The following AGAP1 variants were observed in gnomAD, a reference collection of about 807,000 sequenced individuals.
The protein encoded by AGAP1 is arf-GAP with GTPase, ANK repeat and PH domain-containing protein 1.
AGAP1 carries 29 observed loss-of-function variants against 105.3 expected under a neutral mutation model. The observed-to-expected ratio is 0.28, with a 90% CI of 0.21 to 0.38. AGAP1 has a LOEUF of 0.38. AGAP1 is among the 10% of genes least tolerant of loss of function. AGAP1 has a pLI of 1.00. For synonymous variants in AGAP1, 509 were observed against 485.9 expected (o/e 1.05, Z -0.63); for missense variants, 998 against 1,165.1 (o/e 0.86, Z 2.09).
rs1464767366 is a variant in AGAP1 at position 235,639,743 on chromosome 2, A to G, written c.164-69436A>G. ...CATCTCGTGTTCTCAAAATCAGCAC[A>G]TGCCATCCCACATTCTAGACCATCC... On this transcript the variant is annotated intron_variant, in intron 1 of 17. Coordinates refer to ENST00000304032, the MANE Select transcript of AGAP1 (RefSeq NM_001037131.3). The surrounding 1 kb of genome is among the most constrained non-coding windows in gnomAD (Gnocchi z 5.3). Among the ~76,000 whole-genome samples, 1 of 152,146 alleles carries G rather than the reference A, an allele frequency of 6.6e-6. No homozygotes were observed. The highest frequency in any genetic ancestry group is 1.9e-4 in the East Asian group (1 of 5,180).
rs1012682531 is a variant in AGAP1 at position 235,981,609 on chromosome 2, A to G, written c.1645+12986A>G. 1.3e-5 allele frequency among the ~76,000 whole-genome samples: 2 copies of G among 152,238 alleles called. No individual in the cohort carries two copies. Among genetic ancestry groups the G allele is most frequent in the South Asian group, 2.1e-4 (1 of 4,838 alleles). On this transcript the variant is annotated intron_variant, in intron 13 of 17. Coordinates refer to ENST00000304032, the MANE Select transcript of AGAP1 (RefSeq NM_001037131.3). This position sits in a 1 kb window ranked among gnomAD's most constrained non-coding sequence, Gnocchi z 5.5. The stretch of plus-strand genomic sequence containing the variant: ...CAGAGTTGACAATCTATTAGCAATA[A>G]TATCACTATCAATTATTGACCACTG...
rs190333025 is a variant in AGAP1, at chr2:235,601,722, T to C, written c.163+106873T>C. Among the ~76,000 whole-genome samples the C allele has an allele frequency of 1.6e-3, 238 of 152,302 alleles. 1 individual carries two copies. The highest frequency in any genetic ancestry group is 5.3e-3 in the African/African-American group (219 of 41,566). On this transcript the variant is annotated intron_variant, in intron 1 of 17. Transcript: ENST00000304032. The surrounding 1 kb of genome is among the most constrained non-coding windows in gnomAD (Gnocchi z 4.4). ...CACCAGTCCGTGGAGCCAGGTGTGGTGGCTCACACTTGTAATCTCAGTGCT... is the reference window on the plus strand; with the variant it reads ...CACCAGTCCGTGGAGCCAGGTGTGGCGGCTCACACTTGTAATCTCAGTGCT...
intron 16 of AGAP1, among the ~76,000 whole-genome samples, chr2:236,079,335 A>G (rs1409274096): frequency 2.0e-5 from 3 of 150,506 alleles, no homozygotes; most frequent in Non-Finnish European, 2.9e-5. Context: ...CCTAGGCAGC[A>G]TAGTGAGACT....
rs1423820247 is a variant in AGAP1 at position 235,578,508 on chromosome 2, TG to T, written c.163+83661del. ...TGCCACAGTTTAAAAAATTACAGAC[TG>T]GACGCAGTGGCTTATGCCACCCCAG... On this transcript the variant is annotated intron_variant, in intron 1 of 17. Transcript: ENST00000304032. The surrounding 1 kb of genome is among the most constrained non-coding windows in gnomAD (Gnocchi z 4.9). 6.6e-6 allele frequency among the ~76,000 whole-genome samples: 1 copy of T among 152,176 alleles called. No individual in the cohort carries two copies. The highest frequency in any genetic ancestry group is 1.5e-5 in the Non-Finnish European group (1 of 68,028).
chr2:235,741,157 AC>A lies in AGAP1; in HGVS notation c.396+113del. On this transcript the variant is annotated intron_variant, in intron 4 of 17. Transcript: ENST00000304032. This position sits in a 1 kb window ranked among gnomAD's most constrained non-coding sequence, Gnocchi z 4.9. ...TGACTTGGTTTCCAAAAAAGTGGAA[AC>A]CCCATAAAAAATGTTTCCTCTCACT... 1 of 863,636 alleles carries A rather than the reference AC, an allele frequency of 1.2e-6. No individual in the cohort carries two copies. Among genetic ancestry groups the A allele is most frequent in the Non-Finnish European group, 1.6e-6 (1 of 609,340 alleles). The allele number at this position is 863,636 out of a possible 1,614,324, so 53.5% of individuals were successfully genotyped here.
chr2:236,036,987 G>A lies in AGAP1; in HGVS notation c.1800+272G>A, dbSNP rs1001564241. Among the ~76,000 whole-genome samples the A allele has an allele frequency of 6.6e-6, 1 of 152,168 alleles. No individual in the cohort carries two copies. Among genetic ancestry groups the A allele is most frequent in the Non-Finnish European group, 1.5e-5 (1 of 68,040 alleles). ...CAGCCAATCCCAGAGGGAATCTTTTGGACTCTTGTGGCTTCTGGGTCCACA... is the reference window on the plus strand; with the variant it reads ...CAGCCAATCCCAGAGGGAATCTTTTAGACTCTTGTGGCTTCTGGGTCCACA... On this transcript the variant is annotated intron_variant, in intron 14 of 17. Coordinates refer to ENST00000304032, the MANE Select transcript of AGAP1 (RefSeq NM_001037131.3). The surrounding 1 kb of genome is among the most constrained non-coding windows in gnomAD (Gnocchi z 5.7).
intron 5 of AGAP1, among the ~76,000 whole-genome samples, chr2:235,746,085 C>G (rs1340709639): frequency 1.3e-5 from 2 of 152,068 alleles, no homozygotes; most frequent in Non-Finnish European, 2.9e-5. Context: ...GAGATCACGC[C>G]ATTGCACTCC....
chr2:235,563,706 A>G (rs1944244839), intron 1 of AGAP1, among the ~76,000 whole-genome samples: 1 of 151,938 alleles, frequency 6.6e-6, no homozygotes. Flanking sequence ...ATTCTAATGA[A>G]CTTTGCTATG....
At chr2:235,755,176 C>T (rs979275404) in intron 6 of AGAP1, among the ~76,000 whole-genome samples, 4 of 152,164 alleles carry the variant, frequency 2.6e-5, no homozygotes, top group African/African-American at 7.2e-5. Context: ...ACAGGGCTCT[C>T]GTTCCTAGAT....
intron 10 of AGAP1, among the ~76,000 whole-genome samples, chr2:235,907,799 A>G (rs1037340924): frequency 2.0e-5 from 3 of 152,122 alleles, no homozygotes; most frequent in South Asian, 2.1e-4. Context: ...ACCTCATGCA[A>G]TGTAAATGCA....
Position 235,549,920 on chromosome 2 carries a change from C to T in AGAP1, c.163+55071C>T, listed in dbSNP as rs549498762. Among the ~76,000 whole-genome samples, 28 of 152,282 alleles carry T rather than the reference C, an allele frequency of 1.8e-4. No individual in the cohort carries two copies. The highest frequency in any genetic ancestry group is 2.6e-4 in the African/African-American group (11 of 41,566). ...GGTGATGAGAGGCTGGGGACGTTTT[C>T]GGATGACCACAGGTGTGAAGCTGTC... On this transcript the variant is annotated intron_variant, in intron 1 of 17. Transcript: ENST00000304032. The surrounding 1 kb of genome is among the most constrained non-coding windows in gnomAD (Gnocchi z 4.2).
chr2:235,732,267 T>C lies in AGAP1; in HGVS notation c.311-8696T>C, dbSNP rs1951995004. 6.6e-6 allele frequency among the ~76,000 whole-genome samples: 1 copy of C among 152,218 alleles called. No individual in the cohort carries two copies. Among genetic ancestry groups the C allele is most frequent in the African/African-American group, 2.4e-5 (1 of 41,450 alleles). Reference sequence around the variant, plus strand: ...TCTTAAATACTTTACCTCTGTCTTTTTAATCTCATTGACTGTGTCTGTTTC... The same window carrying C: ...TCTTAAATACTTTACCTCTGTCTTTCTAATCTCATTGACTGTGTCTGTTTC... On this transcript the variant is annotated intron_variant, in intron 3 of 17. Coordinates refer to ENST00000304032, the MANE Select transcript of AGAP1 (RefSeq NM_001037131.3). The surrounding 1 kb of genome is among the most constrained non-coding windows in gnomAD (Gnocchi z 4.8).
chr2:236,079,419 A>C (rs1022799933), intron 16 of AGAP1, among the ~76,000 whole-genome samples: 1 of 149,548 alleles, frequency 6.7e-6, no homozygotes, highest in Non-Finnish European at 1.5e-5. Context: ...CTGTGGTCCC[A>C]GCTACTCAGA....
chr2:235,633,191 C>T lies in AGAP1; in HGVS notation c.164-75988C>T, dbSNP rs928697967. On this transcript the variant is annotated intron_variant, in intron 1 of 17. Transcript: ENST00000304032. This position sits in a 1 kb window ranked among gnomAD's most constrained non-coding sequence, Gnocchi z 4.8. ...ATACATTTACTTGATCCTGGTTTTA[C>T]GGCATGCGGGAGCCTACGGAATGAA... Among the ~76,000 whole-genome samples the T allele has an allele frequency of 2.0e-5, 3 of 152,112 alleles. No homozygotes were observed. The highest frequency in any genetic ancestry group is 4.4e-5 in the Non-Finnish European group (3 of 68,028).
Position 236,065,097 on chromosome 2 carries a change from C to T in AGAP1, c.2114+15816C>T, listed in dbSNP as rs79015215. On this transcript the variant is annotated intron_variant, in intron 16 of 17. Transcript: ENST00000304032. ...GCTGGAGAGGTGAGGCAGATACAGA[C>T]AGACAGCAGCTTATCGGAGGCCGGA... Among the ~76,000 whole-genome samples the T allele has an allele frequency of 6.6e-3, 998 of 152,350 alleles. 9 individuals carry two copies. The highest frequency in any genetic ancestry group is 0.046 in the South Asian group (221 of 4,826).
intron 16 of AGAP1, among the ~76,000 whole-genome samples, chr2:236,054,364 C>T (rs947786443): frequency 1.3e-5 from 2 of 151,924 alleles, no homozygotes; most frequent in African/African-American, 4.8e-5. Context: ...ACTGCCCACA[C>T]AGCCCCAGGA....
At position 235,665,524 on chromosome 2, in the gene AGAP1, T is replaced by C. The variant is rs749709063; in HGVS notation, c.164-43655T>C. On this transcript the variant is annotated intron_variant, in intron 1 of 17. Transcript: ENST00000304032. This position sits in a 1 kb window ranked among gnomAD's most constrained non-coding sequence, Gnocchi z 5.3. ...TGCAGAATTTTCAGTTCCTAGAAGC[T>C]GAGCATCATGGCAAATCTTAGCTTA... is the stretch of plus-strand genomic sequence containing the variant. Among the ~76,000 whole-genome samples, 2 of 152,238 alleles carry C rather than the reference T, an allele frequency of 1.3e-5. No individual in the cohort carries two copies. Among genetic ancestry groups the C allele is most frequent in the Non-Finnish European group, 2.9e-5 (2 of 68,052 alleles).
At chr2:235,800,504 A>T (rs1206843221) in intron 8 of AGAP1, among the ~76,000 whole-genome samples, 2 of 152,162 alleles carry the variant, frequency 1.3e-5, no homozygotes, top group Non-Finnish European at 2.9e-5. Context: ...CCCTGTGCAT[A>T]GCAGACATTA....
chr2:235,709,597 C>G (rs992351957), intron 2 of AGAP1, among the ~76,000 whole-genome samples: 5 of 151,920 alleles, frequency 3.3e-5, no homozygotes, highest in African/African-American at 1.2e-4. Context: ...GCTCCACACA[C>G]ACACACCCCC....
Sources: gnomAD v4.1 joint callset for allele counts (sites outside exome capture counted in the v4.1 genomes callset) on GRCh38, gnomAD v4.1.1 for gene constraint, Gnocchi (gnomAD v3.1) non-coding constraint, MANE v1.5 for transcripts, NCBI Gene and HGNC (gene_info 2026-07-23, HGNC 2026-07-21) for gene names.